The following CDH13 variants were observed in gnomAD, a reference collection of about 807,000 sequenced individuals.
CDH13 encodes the protein cadherin-13.
A neutral mutation model predicts 63.8 loss-of-function variants in CDH13; 24 were observed. The ratio of observed to expected loss-of-function variants is 0.38; its 90% CI spans 0.27 to 0.53. The LOEUF (loss-of-function observed/expected upper bound fraction) is 0.53. CDH13 is among the 20% of genes least tolerant of loss of function. The pLI is 0.85. For synonymous variants in CDH13, 503 were observed against 355.3 expected (o/e 1.42, Z -4.67); for missense variants, 1,049 against 903.1 (o/e 1.16, Z -2.07).
intron 8 of CDH13, among the ~76,000 whole-genome samples, chr16:83,666,809 C>G (rs1913995307): frequency 6.6e-6 from 1 of 151,942 alleles, no homozygotes. Flanking sequence ...GATCAGATAC[C>G]CACCTCCACA....
chr16:83,018,058 A>T (rs1044721376), intron 2 of CDH13, among the ~76,000 whole-genome samples: 4 of 152,208 alleles, frequency 2.6e-5, no homozygotes, highest in African/African-American at 9.6e-5. Context: ...CAGTAATCAA[A>T]AGAAATATGA....
At chr16:83,092,956 C>G (rs1008534463) in intron 3 of CDH13, among the ~76,000 whole-genome samples, 3 of 152,188 alleles carry the variant, frequency 2.0e-5, no homozygotes, top group African/African-American at 4.8e-5. Flanking sequence ...AATCTAAAAA[C>G]TTCCCCAAGT....
chr16:83,390,034 G>A (rs180941630), intron 6 of CDH13, among the ~76,000 whole-genome samples: 119 of 149,694 alleles, frequency 7.9e-4, no homozygotes, highest in African/African-American at 2.9e-3. Context: ...TTGCAGCTGG[G>A]GCCTTAGCTA....
chr16:82,895,032 T>A (rs1158918664), intron 2 of CDH13, among the ~76,000 whole-genome samples: 2 of 152,194 alleles, frequency 1.3e-5, no homozygotes. Flanking sequence ...CATGATGTTT[T>A]CCTTCTTCCT....
intron 1 of CDH13, chr16:82,719,306 G>T: frequency 2.2e-6 from 1 of 453,502 alleles, no homozygotes; most frequent in Non-Finnish European, 4.4e-6. Flanking sequence ...GTGTGGAGAT[G>T]CACTGTTACT....
chr16:83,382,022 C>T (rs189459690), intron 6 of CDH13, among the ~76,000 whole-genome samples: 70 of 152,328 alleles, frequency 4.6e-4, no homozygotes, highest in African/African-American at 1.6e-3. Context: ...TATGACCTAA[C>T]GGCTTAGAGC....
chr16:82,818,057 C>G (rs961378366), intron 1 of CDH13, among the ~76,000 whole-genome samples: 3 of 151,986 alleles, frequency 2.0e-5, no homozygotes, highest in Non-Finnish European at 4.4e-5. Context: ...ACATACATGA[C>G]TATACGCACA....
Position 82,735,098 on chromosome 16 carries a change from C to T in CDH13, c.45+107961C>T, listed in dbSNP as rs115109608. Among the ~76,000 whole-genome samples the T allele has an allele frequency of 4.7e-3, 709 of 152,298 alleles. 2 individuals are homozygous for T. The highest frequency in any genetic ancestry group is 0.017 in the Middle Eastern group (5 of 294). ...TTTGAAGGTAAAGCTTTCATATATTCTCCATGGCCTAAGATCACCTTAAAG... is the reference window on the plus strand; with the variant it reads ...TTTGAAGGTAAAGCTTTCATATATTTTCCATGGCCTAAGATCACCTTAAAG... On this transcript the variant is annotated intron_variant, in intron 1 of 13. Transcript: ENST00000567109.
chr16:82,845,623 G>C (rs924372509), intron 1 of CDH13, among the ~76,000 whole-genome samples: 1 of 152,128 alleles, frequency 6.6e-6, no homozygotes, highest in Non-Finnish European at 1.5e-5. Flanking sequence ...CCCAGTGCCT[G>C]CCACATGGTA....
chr16:82,840,964 C>G (rs148877642), intron 1 of CDH13, among the ~76,000 whole-genome samples: 1,902 of 152,262 alleles, frequency 0.012, 21 homozygotes, highest in Non-Finnish European at 0.019. Flanking sequence ...GAAGAAAAGT[C>G]TGTATGAAGA....
chr16:83,179,534 C>T (rs1304216951), intron 4 of CDH13, among the ~76,000 whole-genome samples: 1 of 148,874 alleles, frequency 6.7e-6, no homozygotes, highest in Non-Finnish European at 1.5e-5. Flanking sequence ...CACCTGTAGT[C>T]CCAGCTACTC....
chr16:83,483,090 T>C (rs545100895), intron 6 of CDH13, among the ~76,000 whole-genome samples: 1 of 152,142 alleles, frequency 6.6e-6, no homozygotes, highest in Non-Finnish European at 1.5e-5. Context: ...AAACCGAGGC[T>C]CAGAGAGAGA....
In CDH13 at chr16:83,559,102, C is replaced by T. The variant is rs146851158; in HGVS notation, c.961-43352C>T. Among the ~76,000 whole-genome samples, 1,249 of 152,256 alleles carry T rather than the reference C, an allele frequency of 8.2e-3. 16 individuals carry two copies. The highest frequency in any genetic ancestry group is 0.016 in the South Asian group (79 of 4,818). On this transcript the variant is annotated intron_variant, in intron 7 of 13. Transcript: ENST00000567109. The stretch of plus-strand genomic sequence containing the variant: ...TAAACACTGCTATCATGTTAAGATC[C>T]ACTGCCAGGAACTAGGAGGGCAGAG...
At chr16:82,678,520 CA>C (rs1476335688) in intron 1 of CDH13, among the ~76,000 whole-genome samples, 1 of 152,138 alleles carries the variant, frequency 6.6e-6, no homozygotes, top group Non-Finnish European at 1.5e-5. Context: ...CCTAAGTACT[CA>C]AAAGTTTTCT....
At chr16:83,212,877 C>G (rs2039380250) in intron 4 of CDH13, among the ~76,000 whole-genome samples, 1 of 152,140 alleles carries the variant, frequency 6.6e-6, no homozygotes, top group Non-Finnish European at 1.5e-5. Flanking sequence ...GATACTGTTC[C>G]AGTGAATCAT....
intron 7 of CDH13, among the ~76,000 whole-genome samples, chr16:83,513,315 A>G (rs2151607654): frequency 6.6e-6 from 1 of 152,174 alleles, no homozygotes; most frequent in East Asian, 1.9e-4. Flanking sequence ...GCATCATGGG[A>G]CCTGAAATGG....
chr16:83,145,077 A>C (rs889192512), intron 4 of CDH13, among the ~76,000 whole-genome samples: 2 of 152,110 alleles, frequency 1.3e-5, no homozygotes, highest in Non-Finnish European at 2.9e-5. Context: ...ATTATATTCA[A>C]TTTTGGGTCT....
chr16:82,712,257 G>A (rs1172250259), intron 1 of CDH13, among the ~76,000 whole-genome samples: 1 of 151,988 alleles, frequency 6.6e-6, no homozygotes, highest in Non-Finnish European at 1.5e-5. Context: ...TTACTAATTA[G>A]TTAAAGGCTG....
chr16:83,531,528 C>T (rs2075083381), intron 7 of CDH13, among the ~76,000 whole-genome samples: 1 of 152,190 alleles, frequency 6.6e-6, no homozygotes, highest in Non-Finnish European at 1.5e-5. Context: ...TCTCTGCCGC[C>T]ATGTGAGACA....
Sources: gnomAD v4.1 joint callset for allele counts (sites outside exome capture counted in the v4.1 genomes callset) on GRCh38, gnomAD v4.1.1 for gene constraint, MANE v1.5 for transcripts, NCBI Gene and HGNC (gene_info 2026-07-23, HGNC 2026-07-21) for gene names.